Variants in MAN2A1 observed in about 807,000 individuals in gnomAD.
MAN2A1 encodes alpha-mannosidase 2.
MAN2A1 carries 76 observed loss-of-function variants against 142.6 expected under a neutral mutation model. That is an observed-to-expected ratio of 0.53 (90% CI 0.44 to 0.65). The LOEUF is 0.65. Ranked by LOEUF, MAN2A1 falls within the 30% of genes least tolerant of loss-of-function variation. The pLI, the probability that MAN2A1 is intolerant of heterozygous loss-of-function variation, is 0.00. For synonymous variants in MAN2A1, 559 were observed against 473.2 expected, an observed-to-expected ratio of 1.18 and a Z score of -2.35; for missense variants, 1,311 against 1,365.1, an observed-to-expected ratio of 0.96 and a Z score of 0.62.
At position 109,817,156 on chromosome 5, in the gene MAN2A1, A is replaced by G. The variant is rs187263656; in HGVS notation, c.1944-117A>G. 5.0e-4 allele frequency: 488 copies of G among 974,588 alleles called. 1 individual carries two copies. In the African/African-American group the frequency reaches 7.3e-3, roughly 15 times the overall value. The allele number at this position is 974,588 out of a possible 1,614,324, so 60.4% of individuals were successfully genotyped here. On this transcript the variant is annotated intron_variant, in intron 12 of 21. Coordinates refer to ENST00000261483, the MANE Select transcript of MAN2A1 (RefSeq NM_002372.4). ...ACTCCAGCCTGGGTGACAGAGTGAG[A>G]CGCTATCTCAAAAATATATATGTAT...
intron 1 of MAN2A1, among the ~76,000 whole-genome samples, chr5:109,712,066 C>T (rs1751317192): frequency 6.6e-6 from 1 of 151,906 alleles, no homozygotes; most frequent in South Asian, 2.1e-4. Flanking sequence ...CCACTGCCAC[C>T]CCCAGTGATT....
intron 3 of MAN2A1, among the ~76,000 whole-genome samples, chr5:109,718,911 C>G (rs1283149227): frequency 2.6e-5 from 4 of 151,958 alleles, no homozygotes; most frequent in African/African-American, 9.7e-5. Context: ...AAACATTTGA[C>G]TTATTCTTTG....
At chr5:109,833,408 C>G (rs1754977527) in intron 16 of MAN2A1, among the ~76,000 whole-genome samples, 1 of 152,166 alleles carries the variant, frequency 6.6e-6, no homozygotes, top group African/African-American at 2.4e-5. Context: ...GAGACTCCAT[C>G]TGCAATCCCG....
intron 8 of MAN2A1, among the ~76,000 whole-genome samples, chr5:109,779,215 TA>T (rs1402473364): frequency 2.6e-5 from 4 of 152,172 alleles, no homozygotes; most frequent in Non-Finnish European, 5.9e-5. Flanking sequence ...CTAGGCTACT[TA>T]TCTAAACTGC....
intron 3 of MAN2A1, among the ~76,000 whole-genome samples, chr5:109,722,219 T>C (rs1215472690): frequency 3.9e-5 from 6 of 152,204 alleles, no homozygotes; most frequent in Admixed American, 3.9e-4. Context: ...AAGATTTTTT[T>C]CAGCTATCTT....
At chr5:109,765,165 C>T (rs11948599) in intron 5 of MAN2A1, among the ~76,000 whole-genome samples, 20,156 of 152,036 alleles carry the variant, frequency 0.13, 1,757 homozygotes, top group African/African-American at 0.25. Flanking sequence ...AGCCGCTTTT[C>T]CCCCCACCCA....
chr5:109,805,450 T>C (rs1754140570), intron 12 of MAN2A1, among the ~76,000 whole-genome samples: 1 of 152,198 alleles, frequency 6.6e-6, no homozygotes. Flanking sequence ...CTTTTGAGGG[T>C]TAACATTTTC....
rs143415178 is a variant in MAN2A1 at position 109,716,052 on chromosome 5, G to C, written c.391-68G>C. 7.2e-5 allele frequency: 81 copies of C among 1,121,938 alleles called. No individual in the cohort carries two copies. In the African/African-American group the frequency reaches 1.2e-3, roughly 17 times the overall value. The allele number at this position is 1,121,938 out of a possible 1,614,324, so 69.5% of individuals were successfully genotyped here. ...GCAGAGTATAGCAGTGAATAATTTT[G>C]AGCAAATATTTACCAACATTAAATT... On this transcript the variant is annotated intron_variant, in intron 2 of 21. Coordinates refer to ENST00000261483, the MANE Select transcript of MAN2A1 (RefSeq NM_002372.4).
intron 12 of MAN2A1, among the ~76,000 whole-genome samples, chr5:109,791,047 G>C (rs771115479): frequency 6.6e-6 from 1 of 151,984 alleles, no homozygotes; most frequent in Non-Finnish European, 1.5e-5. Context: ...TTCATATTGA[G>C]GAGTTTTAAC....
chr5:109,761,428 A>G (rs1752841006), intron 5 of MAN2A1, among the ~76,000 whole-genome samples: 1 of 152,008 alleles, frequency 6.6e-6, no homozygotes, highest in Non-Finnish European at 1.5e-5. Flanking sequence ...TTAACAGTGA[A>G]TACGTAATAT....
At chr5:109,756,428 A>G (rs1752691945) in intron 5 of MAN2A1, among the ~76,000 whole-genome samples, 1 of 152,120 alleles carries the variant, frequency 6.6e-6, no homozygotes, top group Non-Finnish European at 1.5e-5. Flanking sequence ...TATTGAAGTT[A>G]TTTTTAGATA....
At chr5:109,791,580 C>T (rs1387795880) in intron 12 of MAN2A1, among the ~76,000 whole-genome samples, 4 of 151,424 alleles carry the variant, frequency 2.6e-5, no homozygotes, top group East Asian at 3.9e-4. Context: ...AAACACAGTT[C>T]CTGTTTGAGT....
At chr5:109,802,546 A>G (rs1039157227) in intron 12 of MAN2A1, among the ~76,000 whole-genome samples, 1 of 152,314 alleles carries the variant, frequency 6.6e-6, no homozygotes, top group Non-Finnish European at 1.5e-5. Context: ...GCATTATAGC[A>G]GAAACCATTT....
intron 16 of MAN2A1, among the ~76,000 whole-genome samples, chr5:109,839,188 T>C (rs1046293440): frequency 4.6e-5 from 7 of 152,186 alleles, no homozygotes; most frequent in African/African-American, 1.7e-4. Context: ...CTACATTTTG[T>C]GTTTTGGATG....
chr5:109,788,661 G>A (rs959807416), intron 10 of MAN2A1, among the ~76,000 whole-genome samples: 2 of 151,708 alleles, frequency 1.3e-5, no homozygotes, highest in South Asian at 4.2e-4. Flanking sequence ...TATTTGGTGC[G>A]ATATTCATAG....
intron 5 of MAN2A1, among the ~76,000 whole-genome samples, chr5:109,755,916 T>A (rs35342188): frequency 0.18 from 26,618 of 151,886 alleles, 3,286 homozygotes; most frequent in East Asian, 0.64. Flanking sequence ...GCTCTGCTTG[T>A]TTTGCTGGGT....
At chr5:109,750,765 C>A (rs956253159) in intron 4 of MAN2A1, among the ~76,000 whole-genome samples, 3 of 152,052 alleles carry the variant, frequency 2.0e-5, no homozygotes, top group Non-Finnish European at 4.4e-5. Flanking sequence ...GGTTTTAAGT[C>A]ACTCTGATTG....
Position 109,713,761 on chromosome 5 carries a change from A to G in MAN2A1, c.377A>G (p.Asn126Ser), listed in dbSNP as rs150936733. ...TTTGCTTCACAAAGTGGAAGTCACA[A>G]TTCAGATGTGCAGGTAATGTATACA... ...CLFASQSGSH[N>S]SDVQMLDVYS... Residue 126 changes from asparagine (N) to serine (S), a missense_variant, in exon 2 of 22, where the codon AAT becomes AGT. Transcript: ENST00000261483. 1.2e-4 allele frequency: 193 copies of G among 1,612,548 alleles called. 1 individual carries two copies. The African/African-American group carries it at 2.1e-3, about 17-fold the overall frequency.
At chr5:109,740,851 G>A (rs1582846628) in intron 4 of MAN2A1, among the ~76,000 whole-genome samples, 1 of 152,108 alleles carries the variant, frequency 6.6e-6, no homozygotes, top group African/African-American at 2.4e-5. Flanking sequence ...TTTATGGCCT[G>A]CGGATGGCCT....
Sources: gnomAD v4.1 joint callset for allele counts (sites outside exome capture counted in the v4.1 genomes callset) on GRCh38, gnomAD v4.1.1 for gene constraint, MANE v1.5 for transcripts, NCBI Gene and HGNC (gene_info 2026-07-23, HGNC 2026-07-21) for gene names.